Variants in NFIB observed in about 807,000 individuals in gnomAD.
The protein encoded by NFIB is nuclear factor I B, also known as nuclear factor 1 B-type.
Under a neutral mutation model 61.5 loss-of-function variants are expected in NFIB, and 11 were observed. That is an observed-to-expected ratio of 0.18 (90% CI 0.11 to 0.30). The LOEUF is 0.30. Ranked by LOEUF, NFIB falls within the 10% of genes least tolerant of loss-of-function variation. NFIB has a pLI of 1.00. For missense variants in NFIB, 471 were observed against 608.9 expected (o/e 0.77, Z 2.38); for synonymous variants, 260 against 216.5 (o/e 1.20, Z -1.76).
intron 2 of NFIB, among the ~76,000 whole-genome samples, chr9:14,232,539 C>T (rs554185371): frequency 4.6e-5 from 7 of 152,188 alleles, no homozygotes; most frequent in African/African-American, 1.7e-4. Flanking sequence ...TACTTCACAT[C>T]ATGGAACTTG....
chr9:14,228,976 CATT>C (rs1052143531), intron 2 of NFIB, among the ~76,000 whole-genome samples: 1 of 149,764 alleles, frequency 6.7e-6, no homozygotes, highest in Non-Finnish European at 1.5e-5. Context: ...TTATTATAAT[CATT>C]ATTATATGTA....
chr9:14,183,290 T>C (rs1170539185), intron 2 of NFIB, among the ~76,000 whole-genome samples: 1 of 152,102 alleles, frequency 6.6e-6, no homozygotes, highest in African/African-American at 2.4e-5. Context: ...CAAAAGGCAG[T>C]AGATACCAGC....
At chr9:14,368,297 A>G (rs1316120401) in intron 1 of NFIB, among the ~76,000 whole-genome samples, 3 of 152,220 alleles carry the variant, frequency 2.0e-5, no homozygotes, top group African/African-American at 7.2e-5. Context: ...ATAAAGAGGT[A>G]GTAATATGGT....
At chr9:14,132,322 A>G (rs758206930) in intron 6 of NFIB, among the ~76,000 whole-genome samples, 21 of 152,168 alleles carry the variant, frequency 1.4e-4, no homozygotes, top group Non-Finnish European at 2.2e-4. Context: ...TTTACATGCC[A>G]TACTTGTAAC....
intron 1 of NFIB, among the ~76,000 whole-genome samples, chr9:14,369,223 G>T (rs1342777863): frequency 6.6e-6 from 1 of 152,304 alleles, no homozygotes; most frequent in East Asian, 1.9e-4. Context: ...GTTCAGACTT[G>T]TGTCTGCATC....
intron 2 of NFIB, among the ~76,000 whole-genome samples, chr9:14,205,986 T>C (rs10961422): frequency 1.3e-5 from 2 of 151,990 alleles, no homozygotes; most frequent in Non-Finnish European, 2.9e-5. Context: ...AGCAGAATAA[T>C]TTCTCAGCAT....
At chr9:14,237,458 T>G (rs2053850471) in intron 2 of NFIB, among the ~76,000 whole-genome samples, 1 of 151,322 alleles carries the variant, frequency 6.6e-6, no homozygotes, top group Non-Finnish European at 1.5e-5. Context: ...GATATACCAT[T>G]GCCCACTGAG....
intron 2 of NFIB, among the ~76,000 whole-genome samples, chr9:14,206,178 T>TC (rs35851680): frequency 0.15 from 17,970 of 116,966 alleles, 1,617 homozygotes; most frequent in East Asian, 0.54. Context: ...TCTCTCTCTC[T>TC]TTTTTTTTTT....
intron 2 of NFIB, among the ~76,000 whole-genome samples, chr9:14,188,799 T>C (rs1247138398): frequency 3.3e-5 from 5 of 152,186 alleles, no homozygotes; most frequent in Admixed American, 3.3e-4. Flanking sequence ...AGCTATACTA[T>C]GTAATATACA....
intron 2 of NFIB, among the ~76,000 whole-genome samples, chr9:14,181,920 G>C (rs1028555063): frequency 6.6e-6 from 1 of 152,166 alleles, no homozygotes; most frequent in Admixed American, 6.5e-5. Flanking sequence ...CTCTGCATGA[G>C]CCTTAGCATG....
chr9:14,311,431 AGCT>A (rs1414894787), intron 1 of NFIB, among the ~76,000 whole-genome samples: 1 of 152,158 alleles, frequency 6.6e-6, no homozygotes, highest in Non-Finnish European at 1.5e-5. Context: ...AGTCACATGG[AGCT>A]TAGTGAAGTG....
chr9:14,090,098 T>C (rs1257534495), intron 10 of NFIB, among the ~76,000 whole-genome samples: 1 of 152,112 alleles, frequency 6.6e-6, no homozygotes, highest in Non-Finnish European at 1.5e-5. Flanking sequence ...TCAAAAGCTG[T>C]CACCCAAGAT....
chr9:14,422,666 C>A, the NFIB span, among the ~76,000 whole-genome samples: 1 of 152,242 alleles, frequency 6.6e-6, no homozygotes, highest in East Asian at 1.9e-4. Context: ...CAGATTGGCT[C>A]AGCATAGGTC....
At chr9:14,406,813 G>C in the NFIB span, among the ~76,000 whole-genome samples, 1 of 152,176 alleles carries the variant, frequency 6.6e-6, no homozygotes, top group South Asian at 2.1e-4. Flanking sequence ...GGTGATCCTG[G>C]AAGTCCAATG....
At chr9:14,176,208 C>T (rs932044128) in intron 3 of NFIB, among the ~76,000 whole-genome samples, 1 of 147,208 alleles carries the variant, frequency 6.8e-6, no homozygotes, top group Middle Eastern at 3.4e-3. Flanking sequence ...TTTGCTATAA[C>T]CAAGAGAGGA....
At chr9:14,383,492 T>C (rs2061512173) in intron 1 of NFIB, among the ~76,000 whole-genome samples, 1 of 152,208 alleles carries the variant, frequency 6.6e-6, no homozygotes, top group Non-Finnish European at 1.5e-5. Context: ...CAGCATGGTT[T>C]GCATGATGAG....
intron 2 of NFIB, among the ~76,000 whole-genome samples, chr9:14,267,320 A>T (rs1414696929): frequency 4.6e-5 from 7 of 152,226 alleles, no homozygotes; most frequent in Non-Finnish European, 5.9e-5. Flanking sequence ...CCACAAAAGT[A>T]GTCTATAGAG....
At chr9:14,324,423 T>C (rs1167673636) in intron 1 of NFIB, among the ~76,000 whole-genome samples, 1 of 152,204 alleles carries the variant, frequency 6.6e-6, no homozygotes, top group Non-Finnish European at 1.5e-5. Flanking sequence ...GGCAGTGTTA[T>C]CAAATACTAA....
intron 2 of NFIB, among the ~76,000 whole-genome samples, chr9:14,286,672 G>C (rs935062004): frequency 1.3e-5 from 2 of 152,162 alleles, no homozygotes; most frequent in Non-Finnish European, 1.5e-5. Context: ...TTCTTAAACT[G>C]TCTCTCACTA....
Sources: allele counts gnomAD v4.1 joint callset (sites outside exome capture counted in the v4.1 genomes callset), GRCh38; gene constraint gnomAD v4.1.1; transcripts MANE v1.5; gene names NCBI Gene and HGNC (gene_info 2026-07-23, HGNC 2026-07-21).